Variants in TNIK observed in about 807,000 individuals in gnomAD.
TNIK encodes the protein TRAF2 and NCK-interacting protein kinase.
TNIK carries 49 observed loss-of-function variants against 191.3 expected under a neutral mutation model. The observed-to-expected ratio is 0.26, with a 90% CI of 0.20 to 0.32. The LOEUF is 0.32. Ranked by LOEUF, TNIK falls within the 10% of genes least tolerant of loss-of-function variation. The pLI is 1.00. For missense variants in TNIK, 1,155 were observed against 1,702.3 expected (o/e 0.68, Z 5.66); for synonymous variants, 594 against 600.9 (o/e 0.99, Z 0.17).
intron 2 of TNIK, among the ~76,000 whole-genome samples, chr3:171,253,958 G>C (rs552856167): frequency 6.6e-6 from 1 of 152,146 alleles, no homozygotes; most frequent in Non-Finnish European, 1.5e-5. Context: ...AAATTATGAA[G>C]TGTGTCTTTC....
intron 2 of TNIK, among the ~76,000 whole-genome samples, chr3:171,269,187 G>A (rs551325320): frequency 2.0e-5 from 3 of 152,220 alleles, no homozygotes; most frequent in African/African-American, 7.2e-5. Context: ...ACAATGAAAG[G>A]GAGTAATACT....
intron 5 of TNIK, 57 bp downstream of exon 5, chr3:171,194,468 A>T: frequency 6.9e-7 from 1 of 1,452,416 alleles, no homozygotes; most frequent in South Asian, 1.2e-5. Context: ...CCCTCATAAG[A>T]TATCATGTGT....
chr3:171,459,927 C>CCCCCCCCCCCCCCCT, intron 1 of TNIK, 80 bp downstream of exon 1: 1 of 1,414,378 alleles, frequency 7.1e-7, no homozygotes, highest in Non-Finnish European at 9.7e-7. Flanking sequence ...CCTGCCCCAG[C>CCCCCCCCCCCCCCCT]CCCAGCCCCC....
intron 7 of TNIK, among the ~76,000 whole-genome samples, chr3:171,187,992 C>T (rs1189350255): frequency 1.3e-5 from 2 of 152,176 alleles, no homozygotes. Context: ...CATTAGAAAG[C>T]CGTGTCACCT....
At chr3:171,105,490 C>T (rs1400168885) in intron 21 of TNIK, among the ~76,000 whole-genome samples, 2 of 149,682 alleles carry the variant, frequency 1.3e-5, no homozygotes, top group Non-Finnish European at 2.9e-5. Flanking sequence ...TAGGTAGAAC[C>T]GCTTTATTTT....
intron 1 of TNIK, among the ~76,000 whole-genome samples, chr3:171,440,693 G>A (rs1726686806): frequency 6.6e-6 from 1 of 152,210 alleles, no homozygotes; most frequent in Non-Finnish European, 1.5e-5. Context: ...TGCCTTTGTG[G>A]AGCTTATAGT....
In TNIK at chr3:171,093,857, T is replaced by G; in HGVS notation, c.2703A>C (p.Gly901=). 6.2e-7 allele frequency: 1 copy of G among 1,613,786 alleles called. No homozygotes were observed. The highest frequency in any genetic ancestry group is 1.1e-5 in the South Asian group (1 of 91,054). Residue 901 remains glycine, a synonymous_variant, in exon 23 of 33, where the codon GGA becomes GGC. Coordinates refer to ENST00000436636, the MANE Select transcript of TNIK (RefSeq NM_015028.4). ...DSFSGSISRE[G]TLMIRETSGE... ...AACTTACCTCTCTAATCATCAAGGT[T>G]CCTTCTCTTGAAATACTGCCGCTGA...
At chr3:171,377,327 G>A in intron 1 of TNIK, among the ~76,000 whole-genome samples, 1 of 152,188 alleles carries the variant, frequency 6.6e-6, no homozygotes, top group Admixed American at 6.5e-5. Context: ...AGTCTGCTTA[G>A]TTTCACCTGC....
intron 12 of TNIK, among the ~76,000 whole-genome samples, chr3:171,154,655 T>G (rs1190326604): frequency 6.6e-6 from 1 of 152,230 alleles, no homozygotes; most frequent in Non-Finnish European, 1.5e-5. Flanking sequence ...AACTCCATGA[T>G]ACAGAATAAA....
At chr3:171,275,987 G>A (rs1461291159) in intron 2 of TNIK, among the ~76,000 whole-genome samples, 1 of 151,788 alleles carries the variant, frequency 6.6e-6, no homozygotes, top group African/African-American at 2.4e-5. Flanking sequence ...AATTAGAATG[G>A]TATTAGACTT....
At chr3:171,151,096 G>A (rs1215302210) in intron 12 of TNIK, among the ~76,000 whole-genome samples, 1 of 152,186 alleles carries the variant, frequency 6.6e-6, no homozygotes, top group African/African-American at 2.4e-5. Context: ...CAGCAATCAT[G>A]AAAAGTAAAT....
chr3:171,161,588 A>AT (rs1560200451), intron 10 of TNIK, among the ~76,000 whole-genome samples: 1 of 152,174 alleles, frequency 6.6e-6, no homozygotes, highest in East Asian at 1.9e-4. Context: ...TTAAAAAATA[A>AT]TTTTTTAATT....
intron 32 of TNIK, among the ~76,000 whole-genome samples, chr3:171,065,503 A>G (rs1718319463): frequency 6.6e-6 from 1 of 152,240 alleles, no homozygotes; most frequent in African/African-American, 2.4e-5. Flanking sequence ...GGATGAATTC[A>G]CAAATGCAGT....
intron 3 of TNIK, among the ~76,000 whole-genome samples, chr3:171,225,042 A>G (rs1246588014): frequency 1.3e-5 from 2 of 152,228 alleles, no homozygotes; most frequent in African/African-American, 4.8e-5. Context: ...CAGTTTTATA[A>G]CAATAAACTA....
At chr3:171,109,704 CA>C (rs1280835475) in intron 19 of TNIK, among the ~76,000 whole-genome samples, 1 of 152,116 alleles carries the variant, frequency 6.6e-6, no homozygotes, top group Admixed American at 6.5e-5. Context: ...CACTTAGAAG[CA>C]AAATTATCTT....
At chr3:171,313,239 G>GCTTT (rs71762733) in intron 2 of TNIK, among the ~76,000 whole-genome samples, 3,239 of 150,376 alleles carry the variant, frequency 0.022, 45 homozygotes, top group African/African-American at 0.044. Context: ...CCAACATTTA[G>GCTTT]CTTTCTTTCT....
rs1717710099 is a variant in TNIK, at chr3:171,060,379, A to C, written c.*3502T>G. On this transcript the variant is annotated 3_prime_UTR_variant, in exon 33 of 33. Transcript: ENST00000436636. ...CAAAAATTGTTAGTAGGTTTTGACA[A>C]CCAGGAACTAAGGTGTTTTTAAAAA... 6.6e-6 allele frequency among the ~76,000 whole-genome samples: 1 copy of C among 152,162 alleles called. No individual in the cohort carries two copies. The highest frequency in any genetic ancestry group is 6.6e-5 in the Admixed American group (1 of 15,264).
At chr3:171,313,995 A>T (rs1010016920) in intron 2 of TNIK, among the ~76,000 whole-genome samples, 9 of 152,208 alleles carry the variant, frequency 5.9e-5, no homozygotes, top group Non-Finnish European at 1.0e-4. Context: ...GGCAGAGACC[A>T]GCGCTAATTT....
intron 12 of TNIK, among the ~76,000 whole-genome samples, chr3:171,146,617 G>T (rs1731628440): frequency 6.6e-6 from 1 of 151,990 alleles, no homozygotes; most frequent in Non-Finnish European, 1.5e-5. Flanking sequence ...GTGTTTGATG[G>T]CCGGGCTCAC....
Sources: gnomAD v4.1 joint callset for allele counts (sites outside exome capture counted in the v4.1 genomes callset) on GRCh38, gnomAD v4.1.1 for gene constraint, MANE v1.5 for transcripts, NCBI Gene and HGNC (gene_info 2026-07-23, HGNC 2026-07-21) for gene names.